MUC7: variants seen among roughly 807,000 people sequenced by gnomAD.
MUC7 encodes mucin-7.
In MUC7, 2 loss-of-function variants were observed where a neutral mutation model predicts 2.5. That is an observed-to-expected ratio of 0.81 (90% CI 0.33 to 2.55). The LOEUF is 2.55. Among genes scored for constraint, MUC7 ranks in the 30% most tolerant of loss-of-function variants. The pLI is 0.11. For synonymous variants in MUC7, 133 were observed against 173.4 expected, an observed-to-expected ratio of 0.77 and a Z score of 1.83; for missense variants, 408 against 455.6, an observed-to-expected ratio of 0.90 and a Z score of 0.95.
chr4:70,452,320 T>C (rs1734299044), intron 1 of MUC7, among the ~76,000 whole-genome samples: 1 of 152,176 alleles, frequency 6.6e-6, no homozygotes, highest in East Asian at 1.9e-4. Context: ...TTTGTGTTTT[T>C]CTCTTCTTCC....
chr4:70,481,663 C>G lies in MUC7; in HGVS notation c.919C>G (p.Pro307Ala). ...AGCTCCACAAGAGACCACAGCTGCC[C>G]CAATTACCACACCTAATTCTTCCCC... ...SPAPQETTAA[P>A]ITTPNSSPTT... The change falls in exon 3 of 3, where the codon CCA (proline) becomes GCA (alanine). Residue 307 changes from proline to alanine, a missense_variant. Pro to Ala is a conservative substitution (Grantham distance 27, BLOSUM62 -1). Coordinates refer to ENST00000304887, the MANE Select transcript of MUC7 (RefSeq NM_152291.3). 4 of 1,614,158 alleles carry G rather than the reference C, an allele frequency of 2.5e-6. No homozygotes were observed. The highest frequency in any genetic ancestry group is 2.7e-5 in the African/African-American group (2 of 75,024).
chr4:70,432,490 A>C (rs543397621), intron 1 of MUC7, among the ~76,000 whole-genome samples: 1 of 152,306 alleles, frequency 6.6e-6, no homozygotes, highest in South Asian at 2.1e-4. Flanking sequence ...CATTTCTCTG[A>C]TGGCCAGTGA....
chr4:70,462,626 T>C lies in MUC7; in HGVS notation c.-92-9589T>C, dbSNP rs1024857272. 2.0e-5 allele frequency among the ~76,000 whole-genome samples: 3 copies of C among 152,208 alleles called. 1 individual carries two copies. The highest frequency in any genetic ancestry group is 2.9e-5 in the Non-Finnish European group (2 of 68,038). On this transcript the variant is annotated intron_variant, in intron 1 of 3. Transcript: ENST00000413702. The stretch of plus-strand genomic sequence containing the variant: ...AAGAAGATGCATATAATTATCTTTT[T>C]TGCATATATAGACATAAATTAGATT...
intron 1 of MUC7, among the ~76,000 whole-genome samples, chr4:70,464,218 A>G (rs1734625202): frequency 6.6e-6 from 1 of 152,226 alleles, no homozygotes; most frequent in African/African-American, 2.4e-5. Flanking sequence ...ATTCTGGCCC[A>G]GATACTATTC....
chr4:70,450,348 C>G (rs1734250748), intron 1 of MUC7, among the ~76,000 whole-genome samples: 1 of 152,134 alleles, frequency 6.6e-6, no homozygotes, highest in Non-Finnish European at 1.5e-5. Context: ...AGTGGGCTCC[C>G]CTTTGTCCCA....
At chr4:70,460,821 G>A (rs1734538545) in intron 1 of MUC7, among the ~76,000 whole-genome samples, 1 of 152,298 alleles carries the variant, frequency 6.6e-6, no homozygotes, top group African/African-American at 2.4e-5. Flanking sequence ...TGGTTCCCAG[G>A]GAAGGATGTA....
intron 1 of MUC7, among the ~76,000 whole-genome samples, chr4:70,450,473 T>A (rs143196669): frequency 1.1e-4 from 16 of 152,322 alleles, no homozygotes; most frequent in African/African-American, 3.6e-4. Flanking sequence ...AGGTGCAAGA[T>A]GAAGTCTCCT....
At chr4:70,474,526 CAGATAGGTAGATAGACTAGAT>C (rs1381606416) in intron 2 of MUC7, among the ~76,000 whole-genome samples, 157 of 151,772 alleles carry the variant, frequency 1.0e-3, no homozygotes, top group Middle Eastern at 3.4e-3. Context: ...AAAATATATA[CAGATAGGTAGATAGACTAGAT>C]AGATAGGTAG....
At chr4:70,434,162 C>G (rs948861166) in intron 1 of MUC7, among the ~76,000 whole-genome samples, 1 of 151,914 alleles carries the variant, frequency 6.6e-6, no homozygotes, top group Non-Finnish European at 1.5e-5. Context: ...TGTTCATTAG[C>G]AAAACTGGCC....
rs116499550 is a variant in MUC7, at chr4:70,449,893, C to T, written c.-93+19206C>T. 7.5e-3 allele frequency among the ~76,000 whole-genome samples: 1,148 copies of T among 152,322 alleles called. 12 individuals are homozygous for T. The highest frequency in any genetic ancestry group is 0.026 in the African/African-American group (1,096 of 41,578). ...TACCACCACTATGACCATGCTGGGT[C>T]AGACCTGAAGCAAGCACAGCTCTGG... is the stretch of plus-strand genomic sequence containing the variant. On this transcript the variant is annotated intron_variant, in intron 1 of 3. Transcript: ENST00000413702.
chr4:70,467,932 C>A (rs575842640), upstream of MUC7, among the ~76,000 whole-genome samples: 47 of 152,248 alleles, frequency 3.1e-4, no homozygotes, highest in African/African-American at 1.1e-3. Flanking sequence ...CATCCTAATA[C>A]CAAAACTTGG....
intron 1 of MUC7, among the ~76,000 whole-genome samples, chr4:70,464,896 T>G (rs566561160): frequency 6.6e-6 from 1 of 152,342 alleles, no homozygotes; most frequent in Non-Finnish European, 1.5e-5. Context: ...GCTCGAGCTC[T>G]GCTAAGGGAC....
At chr4:70,440,476 GTA>G (rs1267634520) in intron 1 of MUC7, among the ~76,000 whole-genome samples, 30 of 152,030 alleles carry the variant, frequency 2.0e-4, no homozygotes, top group African/African-American at 7.2e-4. Context: ...GCAACAGTAC[GTA>G]AATGATAAAT....
intron 2 of MUC7, among the ~76,000 whole-genome samples, chr4:70,478,515 G>T (rs1735072522): frequency 6.6e-6 from 1 of 152,124 alleles, no homozygotes; most frequent in African/African-American, 2.4e-5. Context: ...CGACATCCAG[G>T]CACATTAAGT....
intron 1 of MUC7, among the ~76,000 whole-genome samples, chr4:70,443,607 A>G (rs1734056909): frequency 6.6e-6 from 1 of 152,184 alleles, no homozygotes; most frequent in Non-Finnish European, 1.5e-5. Context: ...TTAAAACTTA[A>G]TATTAGTGCA....
chr4:70,466,564 T>C (rs1217729569), intron 1 of MUC7, among the ~76,000 whole-genome samples: 1 of 151,612 alleles, frequency 6.6e-6, no homozygotes, highest in African/African-American at 2.4e-5. Flanking sequence ...CATGGAGGAA[T>C]GTTTACCAAG....
chr4:70,431,038 G>C (rs544195561), intron 1 of MUC7, among the ~76,000 whole-genome samples: 29 of 151,944 alleles, frequency 1.9e-4, no homozygotes, highest in African/African-American at 2.9e-4. Flanking sequence ...TCACTGTATG[G>C]GGAGCTGTAT....
intron 1 of MUC7, among the ~76,000 whole-genome samples, chr4:70,463,359 T>C (rs1734604450): frequency 6.6e-6 from 1 of 152,246 alleles, no homozygotes; most frequent in Admixed American, 6.5e-5. Flanking sequence ...AAAAAGCAGT[T>C]AGGCAAAAGC....
intron 1 of MUC7, among the ~76,000 whole-genome samples, chr4:70,454,817 G>T (rs1359006013): frequency 6.6e-6 from 1 of 152,090 alleles, no homozygotes; most frequent in Non-Finnish European, 1.5e-5. Context: ...ACAACTAATG[G>T]CATTTCATTA....
Sources: gnomAD v4.1 joint callset for allele counts (sites outside exome capture counted in the v4.1 genomes callset) on GRCh38, gnomAD v4.1.1 for gene constraint, MANE v1.5 for transcripts, NCBI Gene and HGNC (gene_info 2026-07-23, HGNC 2026-07-21) for gene names.